ARNT2: variants seen among roughly 807,000 people sequenced by gnomAD.
The protein encoded by ARNT2 is aryl hydrocarbon receptor nuclear translocator 2, also known as ARNT protein 2.
In ARNT2, 36 loss-of-function variants were observed where a neutral mutation model predicts 91.7. The observed-to-expected ratio is 0.39, with a 90% CI of 0.30 to 0.52. The LOEUF is 0.52. Ranked by LOEUF, ARNT2 falls within the 20% of genes least tolerant of loss-of-function variation. The probability of loss-of-function intolerance (pLI) is 0.72; values close to 1 mark genes in which losing one functional copy is unlikely to be tolerated. For synonymous variants in ARNT2, 365 were observed against 347.1 expected (o/e 1.05, Z -0.57); for missense variants, 775 against 939.3 (o/e 0.83, Z 2.29).
At chr15:80,572,839 T>G (rs1898606920) in intron 12 of ARNT2, among the ~76,000 whole-genome samples, 1 of 152,254 alleles carries the variant, frequency 6.6e-6, no homozygotes, top group South Asian at 2.1e-4. Context: ...ACTTGAACTT[T>G]TCCACACCTT....
At chr15:80,579,516 C>G (rs1272646902) in intron 15 of ARNT2, among the ~76,000 whole-genome samples, 1 of 151,854 alleles carries the variant, frequency 6.6e-6, no homozygotes, top group Non-Finnish European at 1.5e-5. Context: ...TTTTTTAACA[C>G]GGAGCTGAAA....
intron 5 of ARNT2, among the ~76,000 whole-genome samples, chr15:80,496,853 A>G (rs1443304236): frequency 6.6e-6 from 1 of 152,228 alleles, no homozygotes; most frequent in African/African-American, 2.4e-5. Context: ...TGGAGCATCC[A>G]TAGGAGCCTG....
chr15:80,446,728 G>A (rs1896310980), intron 1 of ARNT2, among the ~76,000 whole-genome samples: 1 of 151,726 alleles, frequency 6.6e-6, no homozygotes, highest in South Asian at 2.1e-4. Context: ...CAAAGAAGAT[G>A]GCAGAGTGCT....
chr15:80,541,840 A>T (rs1011903496), intron 8 of ARNT2, among the ~76,000 whole-genome samples: 1 of 152,202 alleles, frequency 6.6e-6, no homozygotes, highest in Non-Finnish European at 1.5e-5. Context: ...TGTGAACTTA[A>T]TCCTAAATCT....
chr15:80,589,269 C>T (rs950448578), intron 17 of ARNT2, among the ~76,000 whole-genome samples: 2 of 151,664 alleles, frequency 1.3e-5, no homozygotes, highest in African/African-American at 4.9e-5. Flanking sequence ...AATGGGCACT[C>T]TTCAAATGCC....
At chr15:80,420,962 A>G (rs1895852185) in intron 1 of ARNT2, among the ~76,000 whole-genome samples, 1 of 152,244 alleles carries the variant, frequency 6.6e-6, no homozygotes. Flanking sequence ...ACACATGTTT[A>G]TTACAGCACA....
chr15:80,453,070 C>G (rs982926626), intron 2 of ARNT2, among the ~76,000 whole-genome samples: 5 of 152,226 alleles, frequency 3.3e-5, no homozygotes, highest in African/African-American at 1.2e-4. Context: ...CTGCATCTAG[C>G]TTCAGTCCCA....
intron 12 of ARNT2, among the ~76,000 whole-genome samples, chr15:80,572,473 A>G (rs1898601244): frequency 6.6e-6 from 1 of 151,550 alleles, no homozygotes; most frequent in Non-Finnish European, 1.5e-5. Context: ...ATCCTAGATA[A>G]CAAAGGCTTC....
intron 1 of ARNT2, among the ~76,000 whole-genome samples, chr15:80,426,563 C>A (rs984694924): frequency 1.3e-5 from 2 of 152,180 alleles, no homozygotes; most frequent in Non-Finnish European, 2.9e-5. Context: ...GAAGGAGGGG[C>A]TTGGTTCATG....
At chr15:80,543,094 CAAAAAAAAAAAAAAAA>C in intron 8 of ARNT2, among the ~76,000 whole-genome samples, 1 of 86,684 alleles carries the variant, frequency 1.2e-5, no homozygotes, top group Admixed American at 1.6e-4. Context: ...CAGACCCGGT[CAAAAAAAAAAAAAAAA>C]AAAAAAAAAA....
chr15:80,412,850 T>C (rs543210828), intron 1 of ARNT2, among the ~76,000 whole-genome samples: 1 of 152,358 alleles, frequency 6.6e-6, no homozygotes, highest in Non-Finnish European at 1.5e-5. Flanking sequence ...CCACAAAGGT[T>C]AGAACAGAGG....
intron 3 of ARNT2, among the ~76,000 whole-genome samples, chr15:80,465,269 G>C (rs540875326): frequency 2.6e-5 from 4 of 152,320 alleles, no homozygotes; most frequent in South Asian, 2.1e-4. Context: ...CTGGGGAAAT[G>C]AGCACAAATT....
At chr15:80,465,888 G>A (rs754617895) in intron 3 of ARNT2, among the ~76,000 whole-genome samples, 2 of 151,508 alleles carry the variant, frequency 1.3e-5, no homozygotes, top group Admixed American at 6.6e-5. Flanking sequence ...TGACCTTTTA[G>A]TGTACAAGGA....
intron 15 of ARNT2, 46 bp from the exon 16 acceptor site, chr15:80,580,365 C>T (rs1898769953): frequency 6.2e-7 from 1 of 1,610,268 alleles, no homozygotes; most frequent in Non-Finnish European, 8.5e-7. Flanking sequence ...TAGACTCATG[C>T]AAACCAGGTG....
chr15:80,559,300 C>G (rs976867881), intron 11 of ARNT2, among the ~76,000 whole-genome samples: 23 of 152,160 alleles, frequency 1.5e-4, no homozygotes, highest in Admixed American at 6.5e-4. Flanking sequence ...GAGGCCGAGA[C>G]AGCAGTGCCG....
intron 1 of ARNT2, among the ~76,000 whole-genome samples, chr15:80,438,336 T>C (rs923758380): frequency 2.0e-5 from 3 of 152,186 alleles, no homozygotes; most frequent in South Asian, 4.1e-4. Context: ...GGTGATGATT[T>C]ACTACAGATG....
intron 1 of ARNT2, among the ~76,000 whole-genome samples, chr15:80,435,125 A>G (rs1341211476): frequency 1.3e-5 from 2 of 152,102 alleles, no homozygotes; most frequent in Non-Finnish European, 2.9e-5. Flanking sequence ...TAGTGTCTGC[A>G]GATACAGCCA....
intron 8 of ARNT2, among the ~76,000 whole-genome samples, chr15:80,549,312 G>A (rs1898042953): frequency 1.3e-5 from 2 of 152,152 alleles, no homozygotes; most frequent in African/African-American, 4.8e-5. Flanking sequence ...TAAGCTTTGT[G>A]TAAGAAATAG....
chr15:80,502,692 A>G (rs1432653635), intron 5 of ARNT2, among the ~76,000 whole-genome samples: 5 of 152,142 alleles, frequency 3.3e-5, no homozygotes, highest in Non-Finnish European at 7.4e-5. Flanking sequence ...GCTGGTTTCT[A>G]CTGAGGCAGG....
Sources: gnomAD v4.1 joint callset for allele counts (sites outside exome capture counted in the v4.1 genomes callset) on GRCh38, gnomAD v4.1.1 for gene constraint, MANE v1.5 for transcripts, NCBI Gene and HGNC (gene_info 2026-07-23, HGNC 2026-07-21) for gene names.